ZFYVE9: variants seen among roughly 807,000 people sequenced by gnomAD.
The protein encoded by ZFYVE9 is zinc finger FYVE domain-containing protein 9.
ZFYVE9 carries 43 observed loss-of-function variants against 126.7 expected under a neutral mutation model. The ratio of observed to expected loss-of-function variants is 0.34; its 90% CI spans 0.27 to 0.44. The LOEUF (loss-of-function observed/expected upper bound fraction) is 0.44. ZFYVE9 is among the 20% of genes least tolerant of loss of function. The pLI, the probability that ZFYVE9 is intolerant of heterozygous loss-of-function variation, is 1.00. For missense variants in ZFYVE9, 1,476 were observed against 1,697.0 expected, an observed-to-expected ratio of 0.87 and a Z score of 2.29; for synonymous variants, 521 against 597.4, an observed-to-expected ratio of 0.87 and a Z score of 1.87.
chr1:52,291,318 C>G (rs1645917740), intron 10 of ZFYVE9, among the ~76,000 whole-genome samples: 1 of 152,150 alleles, frequency 6.6e-6, no homozygotes, highest in Non-Finnish European at 1.5e-5. Context: ...GACCCATAAC[C>G]ATTATAAGAA....
intron 13 of ZFYVE9, among the ~76,000 whole-genome samples, chr1:52,328,929 T>C (rs1441225914): frequency 6.6e-6 from 1 of 152,166 alleles, no homozygotes; most frequent in African/African-American, 2.4e-5. Flanking sequence ...GGAAGAGTTA[T>C]AATAAAGTAA....
At chr1:52,277,003 A>AACTTTC in intron 8 of ZFYVE9, among the ~76,000 whole-genome samples, 1 of 152,354 alleles carries the variant, frequency 6.6e-6, no homozygotes, top group East Asian at 1.9e-4. Flanking sequence ...TTCAGCAGTG[A>AACTTTC]ACTTTCACAT....
chr1:52,225,987 A>C (rs1388906956), intron 2 of ZFYVE9, among the ~76,000 whole-genome samples: 2 of 152,162 alleles, frequency 1.3e-5, no homozygotes, highest in South Asian at 2.1e-4. Flanking sequence ...CCGAGGGAAA[A>C]GACTGGCAGG....
At position 52,238,565 on chromosome 1, in the gene ZFYVE9, C is replaced by G. The variant is rs768634532; in HGVS notation, c.1148C>G (p.Thr383Ser). Residue 383 changes from threonine (T) to serine (S), a missense_variant, in exon 4 of 19, where the codon ACT becomes AGT. Thr to Ser is a moderately conservative substitution (Grantham distance 58, BLOSUM62 1). Transcript: ENST00000287727. ...EGYEHEETLG[T>S]TEFLNMTEHF... is the part of the protein sequence containing the mutation. ...TATGAACATGAAGAAACTCTTGGCA[C>G]TACAGAATTCCTTAATATGACAGAG... The G allele has an allele frequency of 1.9e-6, 3 of 1,613,914 alleles. No individual in the cohort carries two copies. Among genetic ancestry groups the G allele is most frequent in the African/African-American group, 1.3e-5 (1 of 74,894 alleles).
chr1:52,204,911 G>C (rs1026287755), intron 1 of ZFYVE9, among the ~76,000 whole-genome samples: 7 of 152,056 alleles, frequency 4.6e-5, no homozygotes, highest in African/African-American at 1.7e-4. Flanking sequence ...TCCACACTAA[G>C]CCTCTAGCAA....
chr1:52,256,411 G>A (rs553980049), intron 4 of ZFYVE9, among the ~76,000 whole-genome samples: 1 of 148,356 alleles, frequency 6.7e-6, no homozygotes, highest in Non-Finnish European at 1.5e-5. Context: ...TGCTCTTGTC[G>A]CTCAGGCTGG....
chr1:52,296,817 G>C (rs1334243735), intron 12 of ZFYVE9, among the ~76,000 whole-genome samples: 1 of 151,754 alleles, frequency 6.6e-6, no homozygotes, highest in Non-Finnish European at 1.5e-5. Flanking sequence ...TTTTTTGTTT[G>C]TTTTGTTTTA....
At chr1:52,195,574 G>A (rs779218121) in intron 1 of ZFYVE9, among the ~76,000 whole-genome samples, 3 of 152,142 alleles carry the variant, frequency 2.0e-5, no homozygotes, top group Non-Finnish European at 2.9e-5. Context: ...GTAAAGAAAA[G>A]TAAAAGTTTA....
intron 1 of ZFYVE9, among the ~76,000 whole-genome samples, chr1:52,177,128 C>T (rs1160355490): frequency 5.3e-5 from 8 of 151,858 alleles, no homozygotes; most frequent in Non-Finnish European, 1.2e-4. Flanking sequence ...CCTATTTGGC[C>T]ATCTTGGCTC....
At chr1:52,145,534 A>C (rs1644298611) in intron 1 of ZFYVE9, among the ~76,000 whole-genome samples, 1 of 152,182 alleles carries the variant, frequency 6.6e-6, no homozygotes, top group African/African-American at 2.4e-5. Context: ...TACACCTCTT[A>C]AAGCGATGTG....
chr1:52,193,990 T>C (rs550570307), intron 1 of ZFYVE9, among the ~76,000 whole-genome samples: 1 of 152,246 alleles, frequency 6.6e-6, no homozygotes, highest in African/African-American at 2.4e-5. Context: ...GTAGTTGTAA[T>C]CCCAGCTTCT....
intron 12 of ZFYVE9, among the ~76,000 whole-genome samples, chr1:52,301,276 T>C (rs562052729): frequency 1.3e-5 from 2 of 151,078 alleles, no homozygotes; most frequent in South Asian, 4.2e-4. Flanking sequence ...CTTAACGTTG[T>C]TTTTCTTTTT....
intron 1 of ZFYVE9, among the ~76,000 whole-genome samples, chr1:52,167,558 TATATG>T (rs1418544890): frequency 2.6e-5 from 4 of 152,128 alleles, no homozygotes; most frequent in African/African-American, 9.7e-5. Flanking sequence ...TTTACCCTGA[TATATG>T]ATGCCACCGT....
chr1:52,257,705 G>A (rs942778939), intron 4 of ZFYVE9, among the ~76,000 whole-genome samples: 1 of 152,122 alleles, frequency 6.6e-6, no homozygotes, highest in African/African-American at 2.4e-5. Context: ...ATTAATGTTT[G>A]TTTCTCCATT....
chr1:52,160,340 T>C (rs1644445013), intron 1 of ZFYVE9: 1 of 1,132,412 alleles, frequency 8.8e-7, no homozygotes, highest in African/African-American at 1.5e-5. Context: ...AAAAGACAGA[T>C]TGTGAGTCAC....
At chr1:52,186,948 A>G (rs567226503) in intron 1 of ZFYVE9, among the ~76,000 whole-genome samples, 2 of 152,290 alleles carry the variant, frequency 1.3e-5, no homozygotes, top group Non-Finnish European at 2.9e-5. Context: ...ATGGCATTCT[A>G]CACAGAACTA....
At chr1:52,278,372 A>G (rs1213880875) in intron 8 of ZFYVE9, 120 bp from the exon 9 acceptor site, 3 of 1,286,878 alleles carry the variant, frequency 2.3e-6, no homozygotes, top group African/African-American at 2.9e-5. Context: ...CTCTGTATGC[A>G]CCTATTGATA....
intron 13 of ZFYVE9, among the ~76,000 whole-genome samples, chr1:52,317,974 CAATG>C (rs1646201361): frequency 6.6e-6 from 1 of 151,862 alleles, no homozygotes; most frequent in African/African-American, 2.4e-5. Context: ...GGTAACTTAA[CAATG>C]AAGGAAGAAA....
At chr1:52,239,806 T>C (rs1325651611) in intron 4 of ZFYVE9, among the ~76,000 whole-genome samples, 3 of 152,228 alleles carry the variant, frequency 2.0e-5, no homozygotes, top group Non-Finnish European at 4.4e-5. Flanking sequence ...CCACGATTTA[T>C]GCTGAATCAG....
Sources: gnomAD v4.1 joint callset for allele counts (sites outside exome capture counted in the v4.1 genomes callset) on GRCh38, gnomAD v4.1.1 for gene constraint, MANE v1.5 for transcripts, NCBI Gene and HGNC (gene_info 2026-07-23, HGNC 2026-07-21) for gene names.